Variants in SDHC observed in about 807,000 individuals in gnomAD.
The protein encoded by SDHC is succinate dehydrogenase cytochrome b560 subunit, mitochondrial.
In SDHC, 11 loss-of-function variants were observed where a neutral mutation model predicts 22.6. The observed-to-expected ratio is 0.49, with a 90% CI of 0.31 to 0.81. The LOEUF is 0.81. Ranked by LOEUF, SDHC falls within the 30% of genes least tolerant of loss-of-function variation. The probability of loss-of-function intolerance (pLI) is 0.05; values close to 1 mark genes in which losing one functional copy is unlikely to be tolerated. For missense variants in SDHC, 160 were observed against 212.0 expected (o/e 0.75, Z 1.52); for synonymous variants, 80 against 77.8 (o/e 1.03, Z -0.15).
In SDHC at chr1:161,345,502, G is replaced by A. The variant is rs115753041; in HGVS notation, c.241+4847G>A. Among the ~76,000 whole-genome samples the A allele has an allele frequency of 2.8e-3, 429 of 152,106 alleles. 1 individual carries two copies. The highest frequency in any genetic ancestry group is 3.4e-3 in the Middle Eastern group (1 of 294). ...GACAGAGTCTCGCTTTTCTGCCCAG[G>A]CTATAATGTAGTGGCGCGATCTCAG... On this transcript the variant is annotated intron_variant, in intron 4 of 5. Coordinates refer to ENST00000367975, the MANE Select transcript of SDHC (RefSeq NM_003001.5).
intron 4 of SDHC, among the ~76,000 whole-genome samples, chr1:161,356,342 C>G (rs891917638): frequency 1.3e-5 from 2 of 152,018 alleles, no homozygotes; most frequent in African/African-American, 4.8e-5. Context: ...AGTTCGAGAC[C>G]AGCCTGGCCA....
At chr1:161,356,552 A>G (rs1672280269) in intron 4 of SDHC, 125 bp from the exon 5 acceptor site, 12 of 1,060,070 alleles carry the variant, frequency 1.1e-5, no homozygotes, top group Non-Finnish European at 1.6e-5. Flanking sequence ...AAAAAAAGAA[A>G]ACAAAAATCT....
intron 3 of SDHC, among the ~76,000 whole-genome samples, chr1:161,338,149 C>T (rs1003926603): frequency 2.0e-5 from 3 of 152,174 alleles, no homozygotes; most frequent in African/African-American, 7.2e-5. Flanking sequence ...TGTGTCTGTT[C>T]TTCCACCTTT....
intron 1 of SDHC, 149 bp downstream of exon 1, chr1:161,314,574 C>T: frequency 1.1e-6 from 1 of 913,886 alleles, no homozygotes; most frequent in Non-Finnish European, 1.7e-6. Flanking sequence ...ATCCTAGAGA[C>T]CCCTTTTCCC....
intron 3 of SDHC, among the ~76,000 whole-genome samples, chr1:161,331,139 G>C (rs1267420880): frequency 6.6e-6 from 1 of 152,010 alleles, no homozygotes; most frequent in Non-Finnish European, 1.5e-5. Context: ...TGGTTGAGGG[G>C]ATCTACTAGT....
intron 4 of SDHC, among the ~76,000 whole-genome samples, chr1:161,353,258 T>G (rs1672153646): frequency 6.6e-6 from 1 of 152,108 alleles, no homozygotes; most frequent in African/African-American, 2.4e-5. Flanking sequence ...TTAATATTGG[T>G]GTGGGTGGCC....
chr1:161,334,306 T>C (rs893151420), intron 3 of SDHC, among the ~76,000 whole-genome samples: 1 of 151,896 alleles, frequency 6.6e-6, no homozygotes, highest in Non-Finnish European at 1.5e-5. Flanking sequence ...GACTCCTTTC[T>C]TCTGTGAGCC....
intron 3 of SDHC, among the ~76,000 whole-genome samples, chr1:161,340,296 T>TA (rs78514496): frequency 1.2e-4 from 17 of 145,342 alleles, no homozygotes; most frequent in Admixed American, 1.4e-4. Context: ...TCCGGGGGGG[T>TA]AAAAAAAAAA....
chr1:161,341,075 C>T (rs947585215), intron 4 of SDHC, among the ~76,000 whole-genome samples: 2 of 152,166 alleles, frequency 1.3e-5, no homozygotes, highest in Non-Finnish European at 2.9e-5. Context: ...GATCTGACCT[C>T]ATGATCCGCC....
chr1:161,337,327 CAT>C (rs1671533628), intron 3 of SDHC, among the ~76,000 whole-genome samples: 2 of 152,196 alleles, frequency 1.3e-5, no homozygotes, highest in Non-Finnish European at 2.9e-5. Context: ...CAGTCACTCA[CAT>C]GTCTTGGAGT....
chr1:161,329,492 C>T (rs980007790), intron 3 of SDHC, among the ~76,000 whole-genome samples: 4 of 152,010 alleles, frequency 2.6e-5, no homozygotes, highest in African/African-American at 4.8e-5. Context: ...CCTCCATGCC[C>T]GGCTAATTTT....
intron 3 of SDHC, among the ~76,000 whole-genome samples, chr1:161,331,496 G>A (rs535110907): frequency 3.9e-5 from 6 of 152,126 alleles, no homozygotes; most frequent in African/African-American, 1.4e-4. Flanking sequence ...TGCCCAGGCT[G>A]GTCTCAAGCT....
At chr1:161,356,399 C>T (rs951673473) in intron 4 of SDHC, among the ~76,000 whole-genome samples, 5 of 151,920 alleles carry the variant, frequency 3.3e-5, no homozygotes, top group African/African-American at 1.2e-4. Flanking sequence ...ATTAGCTGGG[C>T]GTTGTGGTGG....
chr1:161,344,880 A>T (rs890071404), intron 4 of SDHC, among the ~76,000 whole-genome samples: 2 of 152,218 alleles, frequency 1.3e-5, no homozygotes, highest in African/African-American at 4.8e-5. Context: ...CCTGGACCGA[A>T]TGGCAAGAGA....
chr1:161,348,666 CAAAAAAAAAA>C (rs1159653901), intron 4 of SDHC, among the ~76,000 whole-genome samples: 7 of 70,922 alleles, frequency 9.9e-5, no homozygotes, highest in Non-Finnish European at 2.0e-4. Flanking sequence ...ACTAAAAATC[CAAAAAAAAAA>C]AAAAAAAAAA....
At chr1:161,361,438 G>A (rs909455173) in intron 5 of SDHC, among the ~76,000 whole-genome samples, 2 of 152,014 alleles carry the variant, frequency 1.3e-5, no homozygotes, top group African/African-American at 4.8e-5. Context: ...TAGAATACTA[G>A]TCCTCTGATA....
intron 3 of SDHC, among the ~76,000 whole-genome samples, chr1:161,329,488 T>C (rs968632130): frequency 2.0e-5 from 3 of 152,216 alleles, no homozygotes; most frequent in Admixed American, 1.3e-4. Context: ...TGAACCTCCA[T>C]GCCCGGCTAA....
chr1:161,322,060 T>C (rs1670857741), intron 1 of SDHC, among the ~76,000 whole-genome samples: 1 of 152,198 alleles, frequency 6.6e-6, no homozygotes, highest in African/African-American at 2.4e-5. Context: ...TATTTAGGAT[T>C]TCTGATTTTT....
intron 3 of SDHC, among the ~76,000 whole-genome samples, chr1:161,330,182 T>C (rs1571854070): frequency 1.3e-5 from 2 of 152,308 alleles, no homozygotes; most frequent in South Asian, 4.1e-4. Context: ...CACATCGCGG[T>C]GGCCCCAAAA....
Sources: gnomAD v4.1 joint callset for allele counts (sites outside exome capture counted in the v4.1 genomes callset) on GRCh38, gnomAD v4.1.1 for gene constraint, MANE v1.5 for transcripts, NCBI Gene and HGNC (gene_info 2026-07-23, HGNC 2026-07-21) for gene names.